The following BTBD7 variants were observed in gnomAD, a reference collection of about 807,000 sequenced individuals.
BTBD7 encodes the protein BTB/POZ domain-containing protein 7.
In BTBD7, 38 loss-of-function variants were observed where a neutral mutation model predicts 99.9. The observed-to-expected ratio is 0.38, with a 90% confidence interval of 0.29 to 0.50. The LOEUF is 0.50. Among genes scored for constraint, BTBD7 ranks in the 20% least tolerant of loss-of-function variants. The pLI, the probability that BTBD7 is intolerant of heterozygous loss-of-function variation, is 0.93. For synonymous variants in BTBD7, 520 were observed against 511.4 expected (o/e 1.02, Z -0.23); for missense variants, 1,170 against 1,394.6 (o/e 0.84, Z 2.57).
rs1199303263 is a variant in BTBD7 at position 93,294,134 on chromosome 14, T to A, written c.886A>T (p.Ile296Leu). The A allele has an allele frequency of 8.1e-6, 13 of 1,614,066 alleles. No individual in the cohort carries two copies. Among genetic ancestry groups the A allele is most frequent in the Admixed American group, 5.0e-5 (3 of 59,994 alleles). Residue 296 changes from isoleucine to leucine, a missense_variant, in exon 3 of 11, where the codon ATA becomes TTA. Coordinates refer to ENST00000334746, the MANE Select transcript of BTBD7 (RefSeq NM_001002860.4). ...PFFRNLLQRR[I>L]RTGEEITDRT... is the part of the protein sequence containing the mutation. ...TCTGTGATTTCTTCACCAGTTCGTA[T>A]CCTCCTTTGTAATAAATTTCGAAAA...
chr14:93,253,321 C>T (rs1012244900), intron 7 of BTBD7, among the ~76,000 whole-genome samples: 8 of 152,154 alleles, frequency 5.3e-5, no homozygotes, highest in Non-Finnish European at 1.0e-4. Context: ...CAGAACATTT[C>T]CCTCATGCTC....
At position 93,261,648 on chromosome 14, in the gene BTBD7, C is replaced by T; in HGVS notation, c.1401G>A (p.Leu467=). The stretch of plus-strand genomic sequence containing the variant: ...TCAACTGATGCTCTCCCCATTTAAT[C>T]AGATATTTAAGGATATCTTGTTCAC... ...QASEQDILKY[L]IKWGEHQLMK... The change falls in exon 5 of 11, where the codon CTG becomes CTA. Residue 467 remains leucine (L), a synonymous_variant. Coordinates refer to ENST00000334746, the MANE Select transcript of BTBD7 (RefSeq NM_001002860.4). 6.2e-7 allele frequency: 1 copy of T among 1,611,756 alleles called. No individual in the cohort carries two copies. The highest frequency in any genetic ancestry group is 8.5e-7 in the Non-Finnish European group (1 of 1,179,024).
chr14:93,318,856 G>A (rs1471012412), intron 1 of BTBD7, among the ~76,000 whole-genome samples: 2 of 152,178 alleles, frequency 1.3e-5, no homozygotes, highest in African/African-American at 4.8e-5. Context: ...CTGGGACTGT[G>A]TCTTATTTCA....
At chr14:93,267,178 G>A (rs1263242675) in intron 3 of BTBD7, among the ~76,000 whole-genome samples, 1 of 152,096 alleles carries the variant, frequency 6.6e-6, no homozygotes, top group East Asian at 1.9e-4. Context: ...TACTGGCAGA[G>A]GTGAAGAAAA....
At chr14:93,269,967 C>T (rs1222511720) in intron 3 of BTBD7, among the ~76,000 whole-genome samples, 1 of 152,152 alleles carries the variant, frequency 6.6e-6, no homozygotes, top group Non-Finnish European at 1.5e-5. Context: ...AGCAGAAATG[C>T]CCCACCTAAC....
chr14:93,270,504 C>T (rs918181649), intron 3 of BTBD7, among the ~76,000 whole-genome samples: 4 of 151,920 alleles, frequency 2.6e-5, no homozygotes, highest in African/African-American at 9.7e-5. Flanking sequence ...ACAAGCCTAG[C>T]CAACATGGCG....
At chr14:93,265,585 T>A (rs2052532961) in intron 3 of BTBD7, among the ~76,000 whole-genome samples, 1 of 152,208 alleles carries the variant, frequency 6.6e-6, no homozygotes, top group Non-Finnish European at 1.5e-5. Flanking sequence ...CAGCACTGAT[T>A]AACTTGATGC....
intron 1 of BTBD7, among the ~76,000 whole-genome samples, chr14:93,308,287 C>CAAAAAAAAAA (rs869127588): frequency 1.3e-5 from 1 of 74,922 alleles, no homozygotes; most frequent in Admixed American, 1.6e-4. Flanking sequence ...ACTCGGTCTC[C>CAAAAAAAAAA]AAAAAAAAAA....
chr14:93,248,718 C>G, intron 8 of BTBD7, 64 bp from the exon 9 acceptor site: 1 of 1,408,988 alleles, frequency 7.1e-7, no homozygotes, highest in Middle Eastern at 2.6e-4. Context: ...ACCCCGTGAG[C>G]CCAAGGGAAA....
intron 1 of BTBD7, among the ~76,000 whole-genome samples, chr14:93,320,033 C>T (rs1211827294): frequency 2.0e-5 from 3 of 152,016 alleles, no homozygotes; most frequent in African/African-American, 7.3e-5. Context: ...CAATAGAATT[C>T]AAAAGAGGAA....
At chr14:93,321,315 G>T (rs1168800290) in intron 1 of BTBD7, among the ~76,000 whole-genome samples, 1 of 152,186 alleles carries the variant, frequency 6.6e-6, no homozygotes, top group African/African-American at 2.4e-5. Flanking sequence ...TTCTTTTAAG[G>T]GGGGCAGTGG....
intron 1 of BTBD7, among the ~76,000 whole-genome samples, chr14:93,313,194 T>C (rs2139808319): frequency 6.6e-6 from 1 of 152,366 alleles, no homozygotes; most frequent in East Asian, 1.9e-4. Flanking sequence ...AAAATAGTTT[T>C]CAGAACTTTT....
At chr14:93,304,897 C>G (rs2053052795) in intron 1 of BTBD7, among the ~76,000 whole-genome samples, 1 of 152,134 alleles carries the variant, frequency 6.6e-6, no homozygotes, top group African/African-American at 2.4e-5. Context: ...TGGGTGAACC[C>G]TAGAGTAAGC....
At chr14:93,312,817 G>A (rs2053153740) in intron 1 of BTBD7, among the ~76,000 whole-genome samples, 2 of 152,126 alleles carry the variant, frequency 1.3e-5, no homozygotes, top group Admixed American at 6.5e-5. Context: ...CTCCCGTCCA[G>A]CCCACTGCCA....
intron 3 of BTBD7, among the ~76,000 whole-genome samples, chr14:93,291,805 GA>G (rs2052860038): frequency 6.8e-6 from 1 of 146,978 alleles, no homozygotes; most frequent in African/African-American, 2.5e-5. Flanking sequence ...AAAAAAAAGA[GA>G]AATTAACTCA....
chr14:93,264,928 A>G (rs2052525738), intron 3 of BTBD7, among the ~76,000 whole-genome samples: 1 of 152,010 alleles, frequency 6.6e-6, no homozygotes, highest in Admixed American at 6.6e-5. Flanking sequence ...GGTGAAACCC[A>G]GTCTCTACTA....
intron 6 of BTBD7, 53 bp from the exon 7 acceptor site, chr14:93,253,843 C>A: frequency 1.3e-6 from 1 of 776,976 alleles, no homozygotes; most frequent in Non-Finnish European, 1.8e-6. Flanking sequence ...TATAATACTA[C>A]TAAGATAAAT....
At chr14:93,284,897 T>G (rs969013966) in intron 3 of BTBD7, among the ~76,000 whole-genome samples, 6 of 151,984 alleles carry the variant, frequency 3.9e-5, no homozygotes, top group African/African-American at 7.2e-5. Flanking sequence ...TTGTAGTCTA[T>G]GAAAAATGAC....
rs1454504298 is a variant in BTBD7, at chr14:93,269,560, A to G, written c.1163-5567T>C. ...ACAGGGAGTCAGTTCTAGTGAGCAG[A>G]ATGTCATGTGTTCTCTCTCGGCACT... On this transcript the variant is annotated intron_variant, in intron 3 of 10. Coordinates refer to ENST00000334746, the MANE Select transcript of BTBD7 (RefSeq NM_001002860.4). 2.0e-5 allele frequency among the ~76,000 whole-genome samples: 3 copies of G among 152,196 alleles called. No homozygotes were observed. The East Asian group carries it at 5.8e-4, about 29-fold the overall frequency.
Sources: allele counts gnomAD v4.1 joint callset (sites outside exome capture counted in the v4.1 genomes callset), GRCh38; gene constraint gnomAD v4.1.1; transcripts MANE v1.5; gene names NCBI Gene and HGNC (gene_info 2026-07-23, HGNC 2026-07-21).